CLASP2: variants seen among roughly 807,000 people sequenced by gnomAD.
The protein encoded by CLASP2 is cytoplasmic linker associated protein 2, also known as CLIP-associating protein 2.
In CLASP2, 47 loss-of-function variants were observed where a neutral mutation model predicts 194.4. The ratio of observed to expected loss-of-function variants is 0.24; its 90% CI spans 0.19 to 0.31. The LOEUF (loss-of-function observed/expected upper bound fraction) is 0.31, where lower values mean the gene tolerates loss of function less well. CLASP2 is among the 10% of genes least tolerant of loss of function. The pLI, the probability that CLASP2 is intolerant of heterozygous loss-of-function variation, is 1.00. For missense variants in CLASP2, 1,445 were observed against 1,823.6 expected (o/e 0.79, Z 3.78); for synonymous variants, 619 against 633.5 (o/e 0.98, Z 0.34).
intron 37 of CLASP2, chr3:33,503,227 T>C (rs2047231201): frequency 6.6e-6 from 1 of 152,168 alleles, no homozygotes; most frequent in African/African-American, 2.4e-5. Context: ...TTGGATAATA[T>C]TCCATTGTAT....
At chr3:33,681,354 A>G (rs1273777497) in intron 6 of CLASP2, among the ~76,000 whole-genome samples, 1 of 152,164 alleles carries the variant, frequency 6.6e-6, no homozygotes, top group Non-Finnish European at 1.5e-5. Context: ...TTACCAGCAA[A>G]TAATTGGTAT....
chr3:33,572,173 A>C (rs2063907414), intron 25 of CLASP2, among the ~76,000 whole-genome samples: 1 of 152,190 alleles, frequency 6.6e-6, no homozygotes, highest in Admixed American at 6.5e-5. Flanking sequence ...ACATTTTCTT[A>C]AATGTTGCTA....
chr3:33,543,409 C>T lies in CLASP2; in HGVS notation c.3404+24G>A, dbSNP rs758896670. 8.0e-6 allele frequency: 11 copies of T among 1,369,534 alleles called. 1 individual carries two copies. The South Asian group carries it at 1.2e-4, about 14-fold the overall frequency. 84.8% of individuals were successfully genotyped at this position (1,369,534 alleles called of 1,614,324 possible). A position where few individuals can be genotyped will look rare whatever the true frequency, so the allele number is the denominator to read the frequency against. On this transcript the variant is annotated intron_variant, in intron 32 of 38. Transcript: ENST00000682230. ...ATGGGAATTTACAAATACAAACCAT[C>T]ATGAAAAATCATCCTTTTATTACCT...
intron 7 of CLASP2, among the ~76,000 whole-genome samples, chr3:33,656,714 T>C (rs532398629): frequency 1.3e-5 from 2 of 152,320 alleles, no homozygotes; most frequent in Admixed American, 6.5e-5. Context: ...AAAAATTATA[T>C]ATAGTAAACA....
intron 10 of CLASP2, among the ~76,000 whole-genome samples, chr3:33,623,101 T>C (rs895029555): frequency 6.6e-6 from 1 of 152,166 alleles, no homozygotes; most frequent in Non-Finnish European, 1.5e-5. Context: ...TGGCCTGCTG[T>C]TGAATTTTTA....
At chr3:33,572,767 C>A (rs531452777) in intron 25 of CLASP2, among the ~76,000 whole-genome samples, 1 of 152,116 alleles carries the variant, frequency 6.6e-6, no homozygotes, top group Non-Finnish European at 1.5e-5. Flanking sequence ...AAAAACTTAC[C>A]AGAAATAAAT....
intron 37 of CLASP2, among the ~76,000 whole-genome samples, chr3:33,507,638 C>T (rs1018081686): frequency 2.6e-5 from 4 of 152,008 alleles, no homozygotes; most frequent in Admixed American, 1.3e-4. Flanking sequence ...CATGCCATCA[C>T]GCCTGGCTAA....
intron 36 of CLASP2, chr3:33,514,597 T>C (rs955099851): frequency 7.2e-5 from 17 of 237,606 alleles, no homozygotes; most frequent in Admixed American, 7.1e-4. Flanking sequence ...TATTGCTCAG[T>C]TGCTTTCTCT....
chr3:33,659,113 A>T (rs2084838779), intron 7 of CLASP2: 2 of 1,465,000 alleles, frequency 1.4e-6, no homozygotes, highest in Admixed American at 2.5e-5. Context: ...TGTGTGACCC[A>T]GGCCTCGCTG....
At chr3:33,510,423 A>G (rs2049411936) in intron 37 of CLASP2, 135 bp downstream of exon 37, 1 of 774,718 alleles carries the variant, frequency 1.3e-6, no homozygotes, top group Non-Finnish European at 2.1e-6. Context: ...CTAGTTATGA[A>G]AAGTCTTTGT....
chr3:33,646,830 C>T (rs908697117), intron 7 of CLASP2, among the ~76,000 whole-genome samples: 3 of 152,156 alleles, frequency 2.0e-5, no homozygotes, highest in South Asian at 2.1e-4. Flanking sequence ...TTACCAGCAT[C>T]GTGTAAGTAC....
At chr3:33,617,477 A>G (rs1217805264) in intron 12 of CLASP2, among the ~76,000 whole-genome samples, 1 of 152,186 alleles carries the variant, frequency 6.6e-6, no homozygotes, top group East Asian at 1.9e-4. Context: ...GAAAAAAATG[A>G]CAGAAGTTCT....
intron 29 of CLASP2, among the ~76,000 whole-genome samples, chr3:33,553,638 A>G (rs1034272069): frequency 1.1e-4 from 16 of 152,238 alleles, no homozygotes; most frequent in African/African-American, 3.9e-4. Flanking sequence ...AAGGCAAACT[A>G]AAACCACATT....
chr3:33,608,840 C>T (rs1306021282), intron 13 of CLASP2, among the ~76,000 whole-genome samples: 2 of 148,438 alleles, frequency 1.3e-5, no homozygotes, highest in Non-Finnish European at 3.0e-5. Flanking sequence ...GCAACCTCTG[C>T]CTCCCGGGTT....
chr3:33,574,914 G>A (rs968010771), intron 24 of CLASP2, among the ~76,000 whole-genome samples: 7 of 152,084 alleles, frequency 4.6e-5, no homozygotes, highest in Admixed American at 4.6e-4. Flanking sequence ...AGATTACTGG[G>A]AGTCAAACTT....
intron 36 of CLASP2, among the ~76,000 whole-genome samples, chr3:33,511,345 G>A (rs1339030730): frequency 6.6e-6 from 1 of 151,998 alleles, no homozygotes; most frequent in Non-Finnish European, 1.5e-5. Context: ...CGGCCTTAAA[G>A]TAGTTTTTAA....
rs1388146356 is a variant in CLASP2 at position 33,570,900 on chromosome 3, G to C, written c.2700-110C>G. On this transcript the variant is annotated intron_variant, in intron 25 of 38. Coordinates refer to ENST00000682230, the MANE Select transcript of CLASP2 (RefSeq NM_001365631.1). ...AAAAAAAAAAAAAAGGTTAGGTTGG[G>C]CATGGTGGCTCACGCCTATAATCCT... 1.3e-5 allele frequency: 13 copies of C among 985,354 alleles called. 2 individuals carry two copies. In the Admixed American group the frequency reaches 2.4e-4, roughly 18 times the overall value. The allele number at this position is 985,354 out of a possible 1,614,324, so 61.0% of individuals were successfully genotyped here.
In CLASP2 at chr3:33,696,858, T is replaced by C. The variant is rs201524181; in HGVS notation, c.271A>G (p.Met91Val). 6 of 1,578,592 alleles carry C rather than the reference T, an allele frequency of 3.8e-6. No individual in the cohort carries two copies. In the Admixed American group the frequency reaches 5.3e-5, roughly 14 times the overall value. Residue 91 changes from methionine (M) to valine (V), a missense_variant, in exon 2 of 39, where the codon ATG becomes GTG. Met to Val is a conservative substitution (Grantham distance 21, BLOSUM62 1). Transcript: ENST00000682230. ...TAAATAAACAAAGTTAACTTACCCATTGCTACATAGGATTTAAAGCGTGTT... is the reference window on the plus strand; with the variant it reads ...TAAATAAACAAAGTTAACTTACCCACTGCTACATAGGATTTAAAGCGTGTT... ...LSTRFKSYVAMVIVALIDRMG... is the reference protein window; with the variant it reads ...LSTRFKSYVAVVIVALIDRMG...
At chr3:33,659,574 A>C (rs1297543524) in intron 7 of CLASP2, 4 of 208,614 alleles carry the variant, frequency 1.9e-5, no homozygotes, top group African/African-American at 9.4e-5. Context: ...TCCATGATTA[A>C]CTGCTCTCAT....
Sources: allele counts gnomAD v4.1 joint callset (sites outside exome capture counted in the v4.1 genomes callset), GRCh38; gene constraint gnomAD v4.1.1; transcripts MANE v1.5; gene names NCBI Gene and HGNC (gene_info 2026-07-23, HGNC 2026-07-21).